The following P2RY8 variants were observed in gnomAD, a reference collection of about 807,000 sequenced individuals.
P2RY8 encodes the protein S-geranylgeranyl-glutathione receptor P2RY8.
P2RY8 carries 6 observed loss-of-function variants against 10.0 expected under a neutral mutation model. That is an observed-to-expected ratio of 0.60 (90% CI 0.33 to 1.19). P2RY8 has a LOEUF of 1.19. Among genes scored for constraint, P2RY8 ranks in the 50% most tolerant of loss-of-function variants. The probability of loss-of-function intolerance (pLI) is 0.04; values close to 1 mark genes in which losing one functional copy is unlikely to be tolerated. For missense variants in P2RY8, 456 were observed against 542.0 expected, an observed-to-expected ratio of 0.84 and a Z score of 1.58; for synonymous variants, 276 against 252.5, an observed-to-expected ratio of 1.09 and a Z score of -0.88.
At chrX:1,524,822 C>T (rs1248687421) in intron 1 of P2RY8, among the ~76,000 whole-genome samples, 5,934 of 99,022 alleles carry the variant, frequency 0.06, 152 homozygotes, top group Middle Eastern at 0.093. Context: ...TCCATCCATC[C>T]ATCCATCCAT....
chrX:1,516,508 C>T (rs1451451606), intron 1 of P2RY8, among the ~76,000 whole-genome samples: 5 of 151,052 alleles, frequency 3.3e-5, no homozygotes, highest in Admixed American at 1.3e-4. Context: ...CTGAAATGGA[C>T]TAAGAGATCT....
At chrX:1,476,401 C>A (rs1164406376) in intron 1 of P2RY8, among the ~76,000 whole-genome samples, 19 of 151,660 alleles carry the variant, frequency 1.3e-4, no homozygotes, top group African/African-American at 4.6e-4. Flanking sequence ...ACGGTGAAAC[C>A]CCTTCTCTAC....
At chrX:1,534,801 A>G (rs2092512672) in intron 1 of P2RY8, among the ~76,000 whole-genome samples, 1 of 152,134 alleles carries the variant, frequency 6.6e-6, no homozygotes, top group Non-Finnish European at 1.5e-5. Flanking sequence ...GTTAATCCTA[A>G]GCCATCGCTT....
chrX:1,479,281 C>T (rs2091910336), intron 1 of P2RY8, among the ~76,000 whole-genome samples: 1 of 152,270 alleles, frequency 6.6e-6, no homozygotes, highest in Non-Finnish European at 1.5e-5. Context: ...CCCGTCACCA[C>T]TTTTGTGAAT....
rs2091618873 is a variant in P2RY8 at position 1,463,625 on chromosome X, C to G, written c.*1854G>C. On this transcript the variant is annotated 3_prime_UTR_variant, in exon 2 of 2. Coordinates refer to ENST00000381297, the MANE Select transcript of P2RY8 (RefSeq NM_178129.5). ...TACCGAATAAAATCTATAATAATTT[C>G]AGGTTCTGGGCTTTAAAACAAGACA... 8.6e-6 allele frequency: 2 copies of G among 232,930 alleles called. No individual in the cohort carries two copies. The highest frequency in any genetic ancestry group is 1.3e-3 in the Middle Eastern group (1 of 786). The allele number at this position is 232,930 out of a possible 1,614,324, so 14.4% of individuals were successfully genotyped here.
At chrX:1,511,521 AT>A (rs1382593871) in intron 1 of P2RY8, among the ~76,000 whole-genome samples, 2 of 152,076 alleles carry the variant, frequency 1.3e-5, no homozygotes, top group African/African-American at 4.8e-5. Context: ...ACATCTTGTC[AT>A]TTTTTGTTTC....
intron 1 of P2RY8, among the ~76,000 whole-genome samples, chrX:1,527,711 A>G (rs1277624442): frequency 3.4e-5 from 4 of 117,110 alleles, no homozygotes; most frequent in African/African-American, 1.5e-4. Flanking sequence ...TCATCTATCC[A>G]TCCATCCATC....
chrX:1,475,579 T>C (rs2091865224), intron 1 of P2RY8, among the ~76,000 whole-genome samples: 1 of 151,704 alleles, frequency 6.6e-6, no homozygotes, highest in Non-Finnish European at 1.5e-5. Flanking sequence ...GGAAAAGTTT[T>C]AACCAACAGA....
At chrX:1,494,378 A>G (rs1204330437) in intron 1 of P2RY8, 7 of 152,348 alleles carry the variant, frequency 4.6e-5, no homozygotes, top group African/African-American at 1.7e-4. Flanking sequence ...TCATCTGCAG[A>G]CTGAGCTTGG....
At chrX:1,473,830 G>C (rs2091835765) in intron 1 of P2RY8, among the ~76,000 whole-genome samples, 2 of 150,376 alleles carry the variant, frequency 1.3e-5, no homozygotes, top group South Asian at 4.2e-4. Context: ...GTGGGTGGGT[G>C]GATGGGTGGA....
At chrX:1,531,054 C>A (rs2092471465) in intron 1 of P2RY8, among the ~76,000 whole-genome samples, 1 of 125,094 alleles carries the variant, frequency 8.0e-6, no homozygotes, top group Non-Finnish European at 1.7e-5. Context: ...TTCTATCTAT[C>A]TGTCTGTCTG....
At chrX:1,476,305 G>A (rs867979101) in intron 1 of P2RY8, among the ~76,000 whole-genome samples, 1 of 152,040 alleles carries the variant, frequency 6.6e-6, no homozygotes, top group Non-Finnish European at 1.5e-5. Context: ...GGCTGGGCAC[G>A]GTGGCTCATG....
intron 1 of P2RY8, among the ~76,000 whole-genome samples, chrX:1,508,845 CCATCCATT>C (rs1336986011): frequency 8.0e-6 from 1 of 124,890 alleles, no homozygotes; most frequent in Non-Finnish European, 1.7e-5. Context: ...ATCCCTCCAT[CCATCCATT>C]CATCCATCCA....
chrX:1,466,544 G>A lies in P2RY8; in HGVS notation c.15C>T (p.Asn5=). Residue 5 remains asparagine (N), a synonymous_variant, in exon 2 of 2, where the codon AAC becomes AAT. Coordinates refer to ENST00000381297, the MANE Select transcript of P2RY8 (RefSeq NM_178129.5). MQVP[N]STGPDNATLQ... is the part of the protein sequence containing the mutation. ...GCGTCGCGTTGTCCGGGCCGGTGCT[G>A]TTCGGGACCTGCATCCTGGAGGGGT... is the stretch of plus-strand genomic sequence containing the variant. The A allele has an allele frequency of 6.2e-7, 1 of 1,606,740 alleles. No homozygotes were observed. The highest frequency in any genetic ancestry group is 8.5e-7 in the Non-Finnish European group (1 of 1,178,696).
At chrX:1,495,203 G>A (rs1397738687) in intron 1 of P2RY8, among the ~76,000 whole-genome samples, 1 of 152,032 alleles carries the variant, frequency 6.6e-6, no homozygotes, top group Non-Finnish European at 1.5e-5. Context: ...ATTAAAGGGA[G>A]AGCCCTTTAT....
intron 1 of P2RY8, among the ~76,000 whole-genome samples, chrX:1,479,909 G>A (rs2091915596): frequency 6.6e-6 from 1 of 152,078 alleles, no homozygotes; most frequent in South Asian, 2.1e-4. Flanking sequence ...AAGAACAAAA[G>A]GATAAAATCT....
At chrX:1,530,440 TATCTA>T (rs1324263701) in intron 1 of P2RY8, among the ~76,000 whole-genome samples, 1 of 151,518 alleles carries the variant, frequency 6.6e-6, no homozygotes, top group African/African-American at 2.4e-5. Context: ...TGTATCTATC[TATCTA>T]ATCTATTTAT....
At chrX:1,505,653 G>T (rs1296232953) in intron 1 of P2RY8, among the ~76,000 whole-genome samples, 1 of 152,084 alleles carries the variant, frequency 6.6e-6, no homozygotes, top group Non-Finnish European at 1.5e-5. Flanking sequence ...AGCTGGGTGT[G>T]GTGGCGGGCG....
intron 1 of P2RY8, among the ~76,000 whole-genome samples, chrX:1,523,008 G>T (rs1182982770): frequency 2.0e-5 from 3 of 150,816 alleles, no homozygotes; most frequent in Non-Finnish European, 4.4e-5. Context: ...GGCAGAGGTT[G>T]CAGAAAGCCG....
Sources: gnomAD v4.1 joint callset for allele counts (sites outside exome capture counted in the v4.1 genomes callset) on GRCh38, gnomAD v4.1.1 for gene constraint, MANE v1.5 for transcripts, NCBI Gene and HGNC (gene_info 2026-07-23, HGNC 2026-07-21) for gene names.